RPH3A: variants seen among roughly 807,000 people sequenced by gnomAD.
RPH3A encodes rabphilin-3A.
RPH3A carries 48 observed loss-of-function variants against 102.2 expected under a neutral mutation model. That is an observed-to-expected ratio of 0.47 (90% CI 0.37 to 0.60). The LOEUF is 0.60. Ranked by LOEUF, RPH3A falls within the 20% of genes least tolerant of loss-of-function variation. The pLI is 0.00. For synonymous variants in RPH3A, 310 were observed against 324.3 expected, an observed-to-expected ratio of 0.96 and a Z score of 0.47; for missense variants, 781 against 910.1, an observed-to-expected ratio of 0.86 and a Z score of 1.83.
intron 2 of RPH3A, among the ~76,000 whole-genome samples, chr12:112,823,394 C>G (rs1362338274): frequency 6.6e-6 from 1 of 152,232 alleles, no homozygotes; most frequent in Non-Finnish European, 1.5e-5. Flanking sequence ...ATAATACCAT[C>G]TACCTTGGAG....
chr12:112,648,091 A>G (rs1253052026), intron 1 of RPH3A, among the ~76,000 whole-genome samples: 1 of 152,204 alleles, frequency 6.6e-6, no homozygotes, highest in Non-Finnish European at 1.5e-5. Context: ...TGGAAAATAC[A>G]GTTGAGGAGA....
intron 2 of RPH3A, among the ~76,000 whole-genome samples, chr12:112,826,212 A>G (rs1369739752): frequency 6.6e-6 from 1 of 152,204 alleles, no homozygotes; most frequent in African/African-American, 2.4e-5. Context: ...GGCATCTGCA[A>G]GAAGGCTTCC....
intron 3 of RPH3A, among the ~76,000 whole-genome samples, chr12:112,832,833 A>G (rs1465920018): frequency 6.6e-6 from 1 of 152,020 alleles, no homozygotes; most frequent in Non-Finnish European, 1.5e-5. Flanking sequence ...ACAGAGAGAG[A>G]CCCTTTCTCT....
chr12:112,752,128 A>G (rs1165268005), intron 1 of RPH3A, among the ~76,000 whole-genome samples: 3 of 152,198 alleles, frequency 2.0e-5, no homozygotes, highest in Non-Finnish European at 4.4e-5. Flanking sequence ...ATAAGCACAT[A>G]TGACCTTTGT....
chr12:112,596,493 G>A (rs1241742422), intron 1 of RPH3A, among the ~76,000 whole-genome samples: 2 of 152,130 alleles, frequency 1.3e-5, no homozygotes, highest in African/African-American at 4.8e-5. Context: ...CCCTTCCTGT[G>A]CTCTCAAACT....
intron 2 of RPH3A, among the ~76,000 whole-genome samples, chr12:112,827,693 A>C (rs1393359525): frequency 6.6e-6 from 1 of 152,026 alleles, no homozygotes. Flanking sequence ...TTTTTTTAAA[A>C]AAGGCAGGGA....
intron 1 of RPH3A, among the ~76,000 whole-genome samples, chr12:112,728,367 T>A (rs770564190): frequency 4.6e-5 from 7 of 151,302 alleles, no homozygotes; most frequent in Admixed American, 6.6e-5. Context: ...TAAGCTTCTA[T>A]TTTTTTTTCC....
chr12:112,621,863 G>A (rs2039730397), intron 1 of RPH3A, among the ~76,000 whole-genome samples: 1 of 151,330 alleles, frequency 6.6e-6, no homozygotes. Flanking sequence ...GGAGATCTGA[G>A]AACGGGCAGA....
rs544773945 is a variant in RPH3A, at chr12:112,673,844, C to A, written c.-140+98525C>A. 5.3e-4 allele frequency among the ~76,000 whole-genome samples: 80 copies of A among 152,278 alleles called. 1 individual carries two copies. Among genetic ancestry groups the A allele is most frequent in the South Asian group, 1.5e-3 (7 of 4,816 alleles). On this transcript the variant is annotated intron_variant, in intron 1 of 21. Coordinates refer to the RPH3A transcript ENST00000543106. ...CCCTCCCCACACAGCCCCCCACTAC[C>A]CTTCCCAGCCTCTGGTAACAATCTG...
intron 1 of RPH3A, among the ~76,000 whole-genome samples, chr12:112,589,082 G>T (rs773902640): frequency 6.6e-6 from 1 of 151,874 alleles, no homozygotes; most frequent in Non-Finnish European, 1.5e-5. Flanking sequence ...GAAACACAGG[G>T]TTTCTGGTAT....
intron 1 of RPH3A, among the ~76,000 whole-genome samples, chr12:112,621,963 G>T (rs376334741): frequency 2.7e-5 from 4 of 150,334 alleles, no homozygotes; most frequent in Non-Finnish European, 4.4e-5. Context: ...CACCTCACAC[G>T]GCAGGGTATT....
intron 2 of RPH3A, 110 bp from the exon 3 acceptor site, chr12:112,828,191 A>G (rs1034561183): frequency 2.7e-6 from 2 of 737,926 alleles, no homozygotes; most frequent in Middle Eastern, 2.7e-4. Context: ...AACTGGATTT[A>G]GTTCTCTGTC....
chr12:112,891,227 G>A, intron 19 of RPH3A: 1 of 568,834 alleles, frequency 1.8e-6, no homozygotes, highest in Non-Finnish European at 3.1e-6. Flanking sequence ...GCAAAGCTCT[G>A]TGGCTCTGTC....
intron 5 of RPH3A, among the ~76,000 whole-genome samples, chr12:112,863,349 G>T (rs142957995): frequency 6.6e-6 from 1 of 152,124 alleles, no homozygotes; most frequent in Admixed American, 6.5e-5. Context: ...ACAGAGTCTC[G>T]TTCTGTCACC....
At chr12:112,865,357 G>T (rs764650645) in intron 5 of RPH3A, 57 bp from the exon 6 acceptor site, 97 of 1,592,710 alleles carry the variant, frequency 6.1e-5, no homozygotes, top group Non-Finnish European at 7.2e-5. Flanking sequence ...ACACTGTGGG[G>T]TATGCTGGTG....
At chr12:112,653,294 C>T (rs978394603) in intron 1 of RPH3A, among the ~76,000 whole-genome samples, 10 of 150,778 alleles carry the variant, frequency 6.6e-5, no homozygotes, top group Non-Finnish European at 1.3e-4. Context: ...TGCTTGAACC[C>T]GGGAGGCAGA....
chr12:112,686,446 A>G (rs1216944540), intron 1 of RPH3A, among the ~76,000 whole-genome samples: 2 of 152,176 alleles, frequency 1.3e-5, no homozygotes, highest in African/African-American at 4.8e-5. Context: ...ATGAGACATT[A>G]CCAAATAAGA....
intron 1 of RPH3A, among the ~76,000 whole-genome samples, chr12:112,725,806 TTG>T (rs1366225509): frequency 8.3e-5 from 12 of 144,502 alleles, no homozygotes; most frequent in Non-Finnish European, 1.4e-4. Flanking sequence ...GTTGTTGTTG[TTG>T]TTTTTGAGAC....
At chr12:112,600,337 C>T (rs1482270842) in intron 1 of RPH3A, among the ~76,000 whole-genome samples, 1 of 152,118 alleles carries the variant, frequency 6.6e-6, no homozygotes, top group African/African-American at 2.4e-5. Context: ...AAAAATGGTT[C>T]ATTATTACCG....
Sources: allele counts gnomAD v4.1 joint callset (sites outside exome capture counted in the v4.1 genomes callset), GRCh38; gene constraint gnomAD v4.1.1; transcripts MANE v1.5; gene names NCBI Gene and HGNC (gene_info 2026-07-23, HGNC 2026-07-21).